Variants in LINGO2 observed in about 807,000 individuals in gnomAD.
The protein encoded by LINGO2 is leucine-rich repeat and immunoglobulin-like domain-containing nogo receptor-interacting protein 2.
LINGO2 carries 14 observed loss-of-function variants against 30.6 expected under a neutral mutation model. That is an observed-to-expected ratio of 0.46 (90% CI 0.30 to 0.72). The LOEUF (loss-of-function observed/expected upper bound fraction) is 0.72, where lower values mean the gene tolerates loss of function less well. Ranked by LOEUF, LINGO2 falls within the 30% of genes least tolerant of loss-of-function variation. LINGO2 has a pLI of 0.07. For missense variants in LINGO2, 729 were observed against 751.7 expected (o/e 0.97, Z 0.35); for synonymous variants, 317 against 288.5 (o/e 1.10, Z -1.00).
chr9:29,179,431 G>T, the LINGO2 span, among the ~76,000 whole-genome samples: 1 of 151,870 alleles, frequency 6.6e-6, no homozygotes, highest in Non-Finnish European at 1.5e-5. Context: ...TTGAGACAGA[G>T]TCTCACTCTG....
chr9:28,566,593 G>T (rs66834577), intron 1 of LINGO2, among the ~76,000 whole-genome samples: 15,063 of 152,070 alleles, frequency 0.099, 978 homozygotes, highest in East Asian at 0.26. Context: ...GATGCTTTAG[G>T]CCTAAAAATC....
At chr9:28,138,514 G>A (rs988034116) in intron 4 of LINGO2, among the ~76,000 whole-genome samples, 2 of 152,144 alleles carry the variant, frequency 1.3e-5, no homozygotes, top group African/African-American at 4.8e-5. Context: ...TTGAATCTAA[G>A]ATAAGTGATG....
chr9:29,084,066 A>G, the LINGO2 span, among the ~76,000 whole-genome samples: 30,000 of 152,004 alleles, frequency 0.2, 3,100 homozygotes, highest in African/African-American at 0.24. Context: ...ACTCTTTTCT[A>G]TACTAAAACT....
At chr9:28,183,933 C>T (rs1318700472) in intron 4 of LINGO2, among the ~76,000 whole-genome samples, 1 of 152,196 alleles carries the variant, frequency 6.6e-6, no homozygotes, top group Non-Finnish European at 1.5e-5. Context: ...ATGCAAATGA[C>T]AGACATTACC....
At chr9:29,045,379 G>A in the LINGO2 span, among the ~76,000 whole-genome samples, 1 of 151,912 alleles carries the variant, frequency 6.6e-6, no homozygotes, top group African/African-American at 2.4e-5. Context: ...TGCAAAAAGG[G>A]AATAAAGAAG....
the LINGO2 span, among the ~76,000 whole-genome samples, chr9:29,177,313 T>C: frequency 6.6e-6 from 1 of 152,222 alleles, no homozygotes; most frequent in African/African-American, 2.4e-5. Context: ...CACTGGAATT[T>C]ATAGTTTGTC....
chr9:27,955,497 C>A (rs1469213888), intron 5 of LINGO2, among the ~76,000 whole-genome samples: 2 of 152,174 alleles, frequency 1.3e-5, no homozygotes, highest in Non-Finnish European at 2.9e-5. Context: ...AAAGTAAGCA[C>A]TGATCTGCAT....
chr9:28,922,259 A>G, the LINGO2 span, among the ~76,000 whole-genome samples: 17,446 of 152,224 alleles, frequency 0.11, 1,006 homozygotes, highest in South Asian at 0.16. Context: ...TGTTCAAACT[A>G]GTGCATGTTG....
the LINGO2 span, among the ~76,000 whole-genome samples, chr9:28,883,583 T>C: frequency 2.1e-5 from 3 of 144,876 alleles, no homozygotes; most frequent in African/African-American, 7.7e-5. Flanking sequence ...TCAGTGTATA[T>C]TAATCACTTT....
At chr9:28,490,494 C>T (rs1826352699) in intron 1 of LINGO2, among the ~76,000 whole-genome samples, 1 of 152,110 alleles carries the variant, frequency 6.6e-6, no homozygotes, top group African/African-American at 2.4e-5. Flanking sequence ...CTGGGTTAAA[C>T]AATTTGCACA....
intron 4 of LINGO2, among the ~76,000 whole-genome samples, chr9:28,183,379 C>T (rs1819427548): frequency 2.0e-5 from 3 of 151,988 alleles, no homozygotes; most frequent in African/African-American, 7.2e-5. Flanking sequence ...ACAGGTACAC[C>T]TATGTAACAT....
intron 1 of LINGO2, chr9:28,599,365 C>G (rs1245353705): frequency 1.3e-5 from 2 of 152,028 alleles, no homozygotes; most frequent in East Asian, 1.9e-4. Flanking sequence ...TTATTGTAAG[C>G]TGCACAAAAA....
the LINGO2 span, chr9:27,942,373 T>A: frequency 3.3e-5 from 5 of 152,230 alleles, no homozygotes; most frequent in Non-Finnish European, 7.3e-5. Flanking sequence ...TGTCTCATAT[T>A]GCATTTCTTA....
chr9:28,042,214 G>C (rs565948643), intron 4 of LINGO2, among the ~76,000 whole-genome samples: 2 of 152,090 alleles, frequency 1.3e-5, no homozygotes, highest in East Asian at 3.9e-4. Context: ...TTAAAACTCT[G>C]GTTCATTTAA....
chr9:27,980,134 G>A (rs1236579233), intron 5 of LINGO2, among the ~76,000 whole-genome samples: 4 of 151,908 alleles, frequency 2.6e-5, no homozygotes, highest in Non-Finnish European at 5.9e-5. Context: ...AAAGAAAGGT[G>A]CAAAGGAAGG....
intron 4 of LINGO2, among the ~76,000 whole-genome samples, chr9:28,272,137 T>C (rs1472602077): frequency 1.3e-5 from 2 of 152,120 alleles, no homozygotes; most frequent in Admixed American, 6.5e-5. Context: ...CCATCTTTAA[T>C]ATGGGCTATT....
At chr9:28,633,148 G>A (rs1352452937) in intron 1 of LINGO2, among the ~76,000 whole-genome samples, 1 of 151,846 alleles carries the variant, frequency 6.6e-6, no homozygotes, top group Non-Finnish European at 1.5e-5. Flanking sequence ...TCTGGAAGCT[G>A]ACTAGATTGT....
At chr9:29,131,360 G>A in the LINGO2 span, among the ~76,000 whole-genome samples, 1 of 151,990 alleles carries the variant, frequency 6.6e-6, no homozygotes, top group Admixed American at 6.6e-5. Context: ...TGGATTCTGG[G>A]TATTTATTAA....
At chr9:27,984,597 T>C (rs1025422784) in intron 5 of LINGO2, among the ~76,000 whole-genome samples, 2 of 151,834 alleles carry the variant, frequency 1.3e-5, no homozygotes, top group African/African-American at 4.8e-5. Flanking sequence ...GCTAAGGAGA[T>C]GGAATTCTTT....
Sources: allele counts gnomAD v4.1 joint callset (sites outside exome capture counted in the v4.1 genomes callset), GRCh38; gene constraint gnomAD v4.1.1; transcripts MANE v1.5; gene names NCBI Gene and HGNC (gene_info 2026-07-23, HGNC 2026-07-21).